The following ZNF148 variants were observed in gnomAD, a reference collection of about 807,000 sequenced individuals.
The protein encoded by ZNF148 is Beta-Enolase Repressor Factor-1.
Under a neutral mutation model 67.7 loss-of-function variants are expected in ZNF148, and 7 were observed. That is an observed-to-expected ratio of 0.10 (90% confidence interval 0.06 to 0.19). The LOEUF is 0.19. Among genes scored for constraint, ZNF148 ranks in the 10% least tolerant of loss-of-function variants. The pLI, the probability that ZNF148 is intolerant of heterozygous loss-of-function variation, is 1.00. For synonymous variants in ZNF148, 333 were observed against 330.7 expected, an observed-to-expected ratio of 1.01 and a Z score of -0.08; for missense variants, 583 against 947.1, an observed-to-expected ratio of 0.62 and a Z score of 5.05.
At chr3:125,370,441 A>C (rs539463027) in intron 1 of ZNF148, among the ~76,000 whole-genome samples, 1 of 152,358 alleles carries the variant, frequency 6.6e-6, no homozygotes, top group Non-Finnish European at 1.5e-5. Context: ...TTAAGCACTT[A>C]AGAATCAACC....
At chr3:125,245,607 CT>C (rs1936561694) in intron 7 of ZNF148, among the ~76,000 whole-genome samples, 1 of 152,166 alleles carries the variant, frequency 6.6e-6, no homozygotes, top group Admixed American at 6.5e-5. Flanking sequence ...AACTGTACAG[CT>C]TTTTTCTTCT....
At position 125,347,144 on chromosome 3, in the gene ZNF148, A is replaced by G. The variant is rs143924119; in HGVS notation, c.-233-15906T>C. On this transcript the variant is annotated intron_variant, in intron 1 of 8. Transcript: ENST00000360647. ...TGGTAATAAATTTAACAAAACAGGT[A>G]CAAGACATGTACACTGAAAACTACA... Among the ~76,000 whole-genome samples the G allele has an allele frequency of 1.3e-4, 20 of 152,350 alleles. No individual in the cohort carries two copies. The East Asian group carries it at 2.9e-3, about 22-fold the overall frequency.
intron 1 of ZNF148, among the ~76,000 whole-genome samples, chr3:125,353,759 A>AT (rs1366068870): frequency 1.3e-5 from 2 of 151,856 alleles, no homozygotes; most frequent in African/African-American, 4.8e-5. Context: ...ACAGCCCAGA[A>AT]TAAAGTTTAA....
At chr3:125,247,471 C>G (rs1936651628) in intron 7 of ZNF148, among the ~76,000 whole-genome samples, 1 of 152,028 alleles carries the variant, frequency 6.6e-6, no homozygotes, top group Non-Finnish European at 1.5e-5. Context: ...GAGTCTCACT[C>G]TGTCAACCAG....
intron 7 of ZNF148, among the ~76,000 whole-genome samples, chr3:125,267,876 A>G (rs1223785181): frequency 6.6e-6 from 1 of 152,200 alleles, no homozygotes; most frequent in Non-Finnish European, 1.5e-5. Flanking sequence ...CAATTTCAGT[A>G]AAGTTTCAGG....
chr3:125,328,589 A>G (rs898074115), intron 2 of ZNF148, among the ~76,000 whole-genome samples: 4 of 152,100 alleles, frequency 2.6e-5, no homozygotes, highest in Non-Finnish European at 5.9e-5. Context: ...GTATGTGTCA[A>G]GCAAAAATAA....
chr3:125,253,480 C>A (rs1023141657), intron 7 of ZNF148, among the ~76,000 whole-genome samples: 2 of 151,942 alleles, frequency 1.3e-5, no homozygotes, highest in African/African-American at 4.8e-5. Flanking sequence ...ACCTCCAATA[C>A]CATGTTGAAC....
Position 125,345,601 on chromosome 3 carries a change from A to AC in ZNF148, c.-233-14364_-233-14363insG, listed in dbSNP as rs71148177. ...AAAACTAACAACAACAACAACAACAAAAAAAGACAAACAGAAGACACAAAA... is the reference window on the plus strand; with the variant it reads ...AAAACTAACAACAACAACAACAACAACAAAAAGACAAACAGAAGACACAAAA... On this transcript the variant is annotated intron_variant, in intron 1 of 8. Transcript: ENST00000360647. 5.4e-4 allele frequency among the ~76,000 whole-genome samples: 81 copies of AC among 150,916 alleles called. 1 individual carries two copies. In the Middle Eastern group the frequency reaches 0.014, roughly 25 times the overall value.
At chr3:125,265,072 A>C (rs920461202) in intron 7 of ZNF148, among the ~76,000 whole-genome samples, 1 of 152,236 alleles carries the variant, frequency 6.6e-6, no homozygotes, top group Admixed American at 6.5e-5. Context: ...CGAATACAAA[A>C]TACCACATAA....
intron 7 of ZNF148, among the ~76,000 whole-genome samples, chr3:125,259,455 A>G (rs1351002535): frequency 6.6e-6 from 1 of 152,248 alleles, no homozygotes; most frequent in African/African-American, 2.4e-5. Flanking sequence ...TTTTCATAAC[A>G]TTAAACATAC....
chr3:125,354,651 G>C (rs146181097), intron 1 of ZNF148, among the ~76,000 whole-genome samples: 1 of 152,336 alleles, frequency 6.6e-6, no homozygotes, highest in Admixed American at 6.5e-5. Context: ...AATGTGTTAA[G>C]TTCAAGATAC....
intron 4 of ZNF148, among the ~76,000 whole-genome samples, chr3:125,312,159 C>T (rs1485715231): frequency 6.6e-6 from 1 of 152,134 alleles, no homozygotes; most frequent in Non-Finnish European, 1.5e-5. Flanking sequence ...TAATATTTCT[C>T]ATGAACACAA....
At chr3:125,235,896 AC>A (rs1424195769) in intron 7 of ZNF148, among the ~76,000 whole-genome samples, 7 of 143,976 alleles carry the variant, frequency 4.9e-5, no homozygotes, top group Non-Finnish European at 7.5e-5. Context: ...TGGGAATTGA[AC>A]AATGAGAACA....
At chr3:125,302,908 C>T (rs756179985) in intron 4 of ZNF148, among the ~76,000 whole-genome samples, 7 of 152,148 alleles carry the variant, frequency 4.6e-5, no homozygotes, top group Non-Finnish European at 8.8e-5. Flanking sequence ...AAAACCTGCA[C>T]ACAAATGTTA....
intron 1 of ZNF148, among the ~76,000 whole-genome samples, chr3:125,360,020 T>C (rs1033323023): frequency 2.0e-5 from 3 of 152,232 alleles, no homozygotes; most frequent in African/African-American, 7.2e-5. Context: ...CTTCCCAGTT[T>C]AATAAAAATA....
intron 4 of ZNF148, chr3:125,310,911 T>C (rs1213565585): frequency 1.4e-5 from 3 of 216,702 alleles, no homozygotes; most frequent in Non-Finnish European, 3.0e-5. Context: ...ACACCCACCG[T>C]TACCCCCAGC....
At chr3:125,320,763 G>A (rs986668846) in intron 3 of ZNF148, among the ~76,000 whole-genome samples, 2 of 152,062 alleles carry the variant, frequency 1.3e-5, no homozygotes, top group African/African-American at 4.8e-5. Flanking sequence ...AACTTGTTCT[G>A]AAAACAGGTA....
chr3:125,273,774 C>T (rs553637721), intron 7 of ZNF148, among the ~76,000 whole-genome samples: 6 of 152,096 alleles, frequency 3.9e-5, no homozygotes, highest in South Asian at 2.1e-4. Context: ...CCACCGCACC[C>T]GGCCGGGAGG....
intron 7 of ZNF148, among the ~76,000 whole-genome samples, chr3:125,247,341 CT>C (rs1209727807): frequency 2.0e-5 from 3 of 152,122 alleles, no homozygotes; most frequent in Non-Finnish European, 4.4e-5. Context: ...TCTGGGTTTT[CT>C]TTTGCAGAGT....
Sources: gnomAD v4.1 joint callset for allele counts (sites outside exome capture counted in the v4.1 genomes callset) on GRCh38, gnomAD v4.1.1 for gene constraint, MANE v1.5 for transcripts, NCBI Gene and HGNC (gene_info 2026-07-23, HGNC 2026-07-21) for gene names.